TEKT1: variants seen among roughly 807,000 people sequenced by gnomAD.
TEKT1 encodes the protein tektin 1.
Under a neutral mutation model 34.8 loss-of-function variants are expected in TEKT1, and 32 were observed. The observed-to-expected ratio is 0.92, with a 90% CI of 0.69 to 1.23. The LOEUF (loss-of-function observed/expected upper bound fraction) is 1.23, where lower values mean the gene tolerates loss of function less well. TEKT1 is among the 50% of genes most tolerant of loss of function. TEKT1 has a pLI of 0.00. For missense variants in TEKT1, 492 were observed against 518.5 expected, an observed-to-expected ratio of 0.95 and a Z score of 0.50; for synonymous variants, 207 against 199.8, an observed-to-expected ratio of 1.04 and a Z score of -0.30.
At position 6,813,113 on chromosome 17, in the gene TEKT1, G is replaced by A; in HGVS notation, c.630-60C>T. ...TTTGGGGTGGGGAAGGGGGTTGGGA[G>A]AGAGGGACGAGCTACACCTTCCCCT... On this transcript the variant is annotated intron_variant, in intron 5 of 7. Transcript: ENST00000338694. 2.1e-6 allele frequency: 3 copies of A among 1,431,286 alleles called. No individual in the cohort carries two copies. The South Asian group carries it at 3.7e-5, about 18-fold the overall frequency. The allele number at this position is 1,431,286 out of a possible 1,614,324, so 88.7% of individuals were successfully genotyped here.
intron 2 of TEKT1, among the ~76,000 whole-genome samples, chr17:6,828,702 C>T (rs1329222132): frequency 6.6e-6 from 1 of 152,050 alleles, no homozygotes. Context: ...TATAGATAGT[C>T]GAGTTGGTTA....
At position 6,823,478 on chromosome 17, in the gene TEKT1, A is replaced by G. The variant is rs563460552; in HGVS notation, c.191-4120T>C. On this transcript the variant is annotated intron_variant, in intron 2 of 7. Transcript: ENST00000338694. ...TGTGCTTGCCTGTGTATGCATCTCA[A>G]TCTCTCTCATGCTTGGGGCATAGCT... Among the ~76,000 whole-genome samples, 20 of 152,158 alleles carry G rather than the reference A, an allele frequency of 1.3e-4. 1 individual carries two copies. In the East Asian group the frequency reaches 3.7e-3, roughly 28 times the overall value.
intron 6 of TEKT1, among the ~76,000 whole-genome samples, chr17:6,804,281 G>A (rs867556488): frequency 2.4e-4 from 37 of 152,226 alleles, no homozygotes; most frequent in Middle Eastern, 3.4e-3. Context: ...TGGTGTATAC[G>A]AATGCTTGTG....
At position 6,798,123 on chromosome 17, in the gene TEKT1, TGA is replaced by T. The variant is rs989130103; in HGVS notation, c.*1902_*1903del. On this transcript the variant is annotated 3_prime_UTR_variant, in exon 8 of 8. Transcript: ENST00000338694. ...AAGCAGCATGTTCCAGACACTGTGT[TGA>T]GAGTCTTCCACACGTTATCTCGCCA... 3 of 152,346 alleles carry T rather than the reference TGA, an allele frequency of 2.0e-5. No homozygotes were observed. In the East Asian group the frequency reaches 5.8e-4, roughly 29 times the overall value. 9.4% of individuals were successfully genotyped at this position (152,346 alleles called of 1,614,324 possible).
chr17:6,824,101 C>T (rs555471050), intron 2 of TEKT1, among the ~76,000 whole-genome samples: 3 of 152,108 alleles, frequency 2.0e-5, no homozygotes, highest in African/African-American at 4.8e-5. Flanking sequence ...GGATTACAGG[C>T]GTGAGCCACT....
At chr17:6,812,443 G>C (rs1976941142) in intron 6 of TEKT1, among the ~76,000 whole-genome samples, 1 of 152,108 alleles carries the variant, frequency 6.6e-6, no homozygotes, top group Non-Finnish European at 1.5e-5. Context: ...TGTAACTTCA[G>C]AGTCCTAAAG....
chr17:6,822,118 A>C (rs1286505864), intron 2 of TEKT1, among the ~76,000 whole-genome samples: 2 of 152,182 alleles, frequency 1.3e-5, no homozygotes, highest in Admixed American at 6.5e-5. Context: ...TTCCTGGGCC[A>C]GGCCTAGGGC....
chr17:6,804,657 G>A (rs1161040883), intron 6 of TEKT1, among the ~76,000 whole-genome samples: 1 of 152,182 alleles, frequency 6.6e-6, no homozygotes, highest in Non-Finnish European at 1.5e-5. Context: ...TTTATTGAGA[G>A]TTTTTAGCAT....
At position 6,815,249 on chromosome 17, in the gene TEKT1, G is replaced by T. The variant is rs1451702599; in HGVS notation, c.543C>A (p.Ala181=). 6.2e-7 allele frequency: 1 copy of T among 1,614,068 alleles called. No homozygotes were observed. The highest frequency in any genetic ancestry group is 8.5e-7 in the Non-Finnish European group (1 of 1,180,050). ...AGAAGCAGATATCATCTATGGTCAG[G>T]GCCACAAACTTGTCCTTCAAATCCT... is the stretch of plus-strand genomic sequence containing the variant. ...LEKDLKDKFV[A]LTIDDICFSL... Residue 181 remains alanine, a synonymous_variant, in exon 5 of 8, where the codon GCC becomes GCA. Coordinates refer to ENST00000338694, the MANE Select transcript of TEKT1 (RefSeq NM_053285.2).
At chr17:6,815,132 C>T (rs200784562) in intron 5 of TEKT1, 31 bp downstream of exon 5, 64 of 1,585,860 alleles carry the variant, frequency 4.0e-5, no homozygotes, top group Middle Eastern at 3.4e-4. Flanking sequence ...CTGGGTCACC[C>T]GCGAGGAGGA....
intron 3 of TEKT1, 67 bp from the exon 4 acceptor site, chr17:6,816,029 G>GGCTGCACACTCAGAACTATCT: frequency 1.9e-6 from 3 of 1,594,840 alleles, no homozygotes; most frequent in Non-Finnish European, 2.6e-6. Context: ...ATTGGCTAAT[G>GGCTGCACACTCAGAACTATCT]GCTGCACACT....
chr17:6,801,928 A>G (rs1167226635), intron 6 of TEKT1, among the ~76,000 whole-genome samples: 5 of 152,178 alleles, frequency 3.3e-5, no homozygotes, highest in Non-Finnish European at 7.3e-5. Flanking sequence ...TGCTTCATCT[A>G]TACTCCTGTC....
At chr17:6,825,026 G>T (rs1303987928) in intron 2 of TEKT1, among the ~76,000 whole-genome samples, 4 of 152,098 alleles carry the variant, frequency 2.6e-5, no homozygotes, top group African/African-American at 9.7e-5. Flanking sequence ...TGCTTAGAGA[G>T]AAGAGAAGAA....
intron 2 of TEKT1, among the ~76,000 whole-genome samples, chr17:6,825,730 C>T (rs1013199487): frequency 3.0e-4 from 46 of 152,136 alleles, no homozygotes; most frequent in Non-Finnish European, 6.0e-4. Flanking sequence ...ATGTACTCAT[C>T]TGTGTGTCAT....
intron 6 of TEKT1, among the ~76,000 whole-genome samples, chr17:6,805,914 G>A (rs1279486659): frequency 6.6e-5 from 10 of 152,144 alleles, no homozygotes; most frequent in East Asian, 3.8e-4. Flanking sequence ...GAATAAGTGC[G>A]GTGTGGTGCT....
intron 1 of TEKT1, among the ~76,000 whole-genome samples, chr17:6,831,038 G>T (rs1298437618): frequency 6.6e-6 from 1 of 151,666 alleles, no homozygotes; most frequent in East Asian, 1.9e-4. Flanking sequence ...GGAGGAGGAG[G>T]AGGAGGAGGA....
intron 3 of TEKT1, among the ~76,000 whole-genome samples, chr17:6,818,216 G>A (rs1977034058): frequency 2.0e-5 from 3 of 152,132 alleles, no homozygotes; most frequent in African/African-American, 4.8e-5. Context: ...GAAGCCATTG[G>A]GGTTTGAAGG....
chr17:6,806,840 G>A (rs1476538689), intron 6 of TEKT1, among the ~76,000 whole-genome samples: 1 of 152,206 alleles, frequency 6.6e-6, no homozygotes, highest in Non-Finnish European at 1.5e-5. Context: ...GAGATCAGCT[G>A]TTAGTCTGAT....
chr17:6,825,459 C>G (rs1035709173), intron 2 of TEKT1, among the ~76,000 whole-genome samples: 1 of 152,156 alleles, frequency 6.6e-6, no homozygotes, highest in East Asian at 1.9e-4. Context: ...ATCATCAGCA[C>G]CAGCACAGGT....
Sources: allele counts gnomAD v4.1 joint callset (sites outside exome capture counted in the v4.1 genomes callset), GRCh38; gene constraint gnomAD v4.1.1; transcripts MANE v1.5; gene names NCBI Gene and HGNC (gene_info 2026-07-23, HGNC 2026-07-21).